NPHP1: variants seen among roughly 807,000 people sequenced by gnomAD.
NPHP1 encodes nephrocystin 1.
Under a neutral mutation model 90.4 loss-of-function variants are expected in NPHP1, and 70 were observed. That is an observed-to-expected ratio of 0.77 (90% CI 0.64 to 0.95). The LOEUF is 0.95. Ranked by LOEUF, NPHP1 falls within the 40% of genes least tolerant of loss-of-function variation. The pLI, the probability that NPHP1 is intolerant of heterozygous loss-of-function variation, is 0.00. For synonymous variants in NPHP1, 256 were observed against 271.7 expected (o/e 0.94, Z 0.57); for missense variants, 764 against 795.9 (o/e 0.96, Z 0.48).
chr2:110,126,026 T>C (rs1046554855), intron 18 of NPHP1: 4 of 323,416 alleles, frequency 1.2e-5, no homozygotes, highest in African/African-American at 6.4e-5. Context: ...AAGACAGTAA[T>C]GAAAATAGAA....
intron 9 of NPHP1, among the ~76,000 whole-genome samples, chr2:110,162,184 T>C (rs1682394131): frequency 6.6e-6 from 1 of 152,152 alleles, no homozygotes; most frequent in Non-Finnish European, 1.5e-5. Flanking sequence ...GTTCTAGAAA[T>C]ACAAAGATAA....
chr2:110,150,127 T>C lies in NPHP1; in HGVS notation c.1158+55A>G, dbSNP rs1192284626. On this transcript the variant is annotated intron_variant, in intron 12 of 19. Transcript: ENST00000445609. The stretch of plus-strand genomic sequence containing the variant: ...ATACTCTGTGCTATTTATAGAAATA[T>C]GAATATGTTCTACTTTGAAATTCAC... The C allele has an allele frequency of 1.2e-5, 15 of 1,240,750 alleles. No homozygotes were observed. The East Asian group carries it at 2.1e-4, about 17-fold the overall frequency. 76.9% of individuals were successfully genotyped at this position (1,240,750 alleles called of 1,614,324 possible). A position where few individuals can be genotyped will look rare whatever the true frequency, so the allele number is the denominator to read the frequency against.
At chr2:110,154,499 T>C (rs1433682908) in intron 11 of NPHP1, among the ~76,000 whole-genome samples, 2 of 151,992 alleles carry the variant, frequency 1.3e-5, no homozygotes, top group African/African-American at 4.8e-5. Flanking sequence ...GATAGGAAAA[T>C]GTGGGAAAGT....
intron 9 of NPHP1, among the ~76,000 whole-genome samples, chr2:110,162,387 C>T (rs993537599): frequency 6.6e-6 from 1 of 151,948 alleles, no homozygotes; most frequent in African/African-American, 2.4e-5. Flanking sequence ...CAGAATTTAC[C>T]GCGAGACCTG....
Position 110,170,727 on chromosome 2 carries a change from G to A in NPHP1, c.330-729C>T, listed in dbSNP as rs2104581738. Among the ~76,000 whole-genome samples the A allele has an allele frequency of 1.3e-5, 2 of 152,156 alleles. 1 individual carries two copies. Among genetic ancestry groups the A allele is most frequent in the Middle Eastern group, 6.8e-3 (2 of 294 alleles). ...TACTAAGAAATCAATCACACAAGAG[G>A]GACACCTAACCCAGGTTGCACGAAT... On this transcript the variant is annotated intron_variant, in intron 4 of 19. Coordinates refer to ENST00000445609, the MANE Select transcript of NPHP1 (RefSeq NM_001128178.3).
At chr2:110,133,475 T>G (rs1333567716) in intron 16 of NPHP1, among the ~76,000 whole-genome samples, 1 of 152,078 alleles carries the variant, frequency 6.6e-6, no homozygotes, top group Non-Finnish European at 1.5e-5. Context: ...ATATCCTACT[T>G]TCGATAAGGT....
chr2:110,130,335 G>A (rs1006772687), intron 17 of NPHP1, among the ~76,000 whole-genome samples: 6 of 152,222 alleles, frequency 3.9e-5, no homozygotes, highest in African/African-American at 1.4e-4. Context: ...TTATTCTAAT[G>A]ATTAAATTCA....
chr2:110,170,041 C>T, intron 4 of NPHP1, 43 bp from the exon 5 acceptor site: 2 of 1,610,740 alleles, frequency 1.2e-6, no homozygotes, highest in Non-Finnish European at 1.7e-6. Flanking sequence ...AAATAATATA[C>T]AAGAACAGAC....
intron 16 of NPHP1, among the ~76,000 whole-genome samples, chr2:110,138,995 G>C (rs1046030002): frequency 6.6e-6 from 1 of 151,994 alleles, no homozygotes; most frequent in Non-Finnish European, 1.5e-5. Context: ...GGCTGCTAAA[G>C]GTTAGCTGAA....
intron 2 of NPHP1, chr2:110,185,186 G>A (rs1684201433): frequency 3.6e-6 from 2 of 549,324 alleles, no homozygotes; most frequent in Non-Finnish European, 7.3e-6. Context: ...TTCTAATGTT[G>A]GGATATCATC....
chr2:110,154,055 T>C (rs1046904409), intron 11 of NPHP1, among the ~76,000 whole-genome samples: 1 of 152,060 alleles, frequency 6.6e-6, no homozygotes, highest in Admixed American at 6.5e-5. Context: ...AAATCTCATC[T>C]TGAATTGTAA....
intron 4 of NPHP1, 149 bp from the exon 5 acceptor site, chr2:110,170,147 C>T: frequency 8.9e-7 from 1 of 1,119,968 alleles, no homozygotes; most frequent in East Asian, 2.3e-5. Context: ...CAGTTTCTAC[C>T]ATCTAGCTAA....
At chr2:110,203,284 G>C (rs966280635) in intron 1 of NPHP1, among the ~76,000 whole-genome samples, 3 of 152,024 alleles carry the variant, frequency 2.0e-5, no homozygotes, top group Non-Finnish European at 4.4e-5. Flanking sequence ...GAGGAATGAA[G>C]ACTGAAAGAC....
chr2:110,184,089 G>A, intron 2 of NPHP1: 2 of 534,572 alleles, frequency 3.7e-6, no homozygotes, highest in Non-Finnish European at 7.5e-6. Context: ...CAACCAGCCT[G>A]TCATGATCGA....
rs902031883 is a variant in NPHP1, at chr2:110,161,536, T to C, written c.954+67A>G. 29 of 1,022,872 alleles carry C rather than the reference T, an allele frequency of 2.8e-5. No homozygotes were observed. The South Asian group carries it at 4.1e-4, about 14-fold the overall frequency. 63.4% of individuals were successfully genotyped at this position (1,022,872 alleles called of 1,614,324 possible). A position where few individuals can be genotyped will look rare whatever the true frequency, so the allele number is the denominator to read the frequency against. On this transcript the variant is annotated intron_variant, in intron 10 of 19. Transcript: ENST00000445609. ...AATTCATTAGTCAATTAACATGTTG[T>C]TTGTCTAATTGCAACTATGACAAAA... is the stretch of plus-strand genomic sequence containing the variant.
At position 110,204,986 on chromosome 2, in the gene NPHP1, T is replaced by C; in HGVS notation, c.-18A>G. Reference sequence around the variant, plus strand: ...GCCAGCATCTCCCTGGCTGCGGTGCTCTGATTGCTCCAGTTGCCAGGGAAA... The same window carrying C: ...GCCAGCATCTCCCTGGCTGCGGTGCCCTGATTGCTCCAGTTGCCAGGGAAA... On this transcript the variant is annotated 5_prime_UTR_variant, in exon 1 of 20. Coordinates refer to ENST00000445609, the MANE Select transcript of NPHP1 (RefSeq NM_001128178.3). 1.9e-6 allele frequency: 3 copies of C among 1,613,574 alleles called. No homozygotes were observed. The highest frequency in any genetic ancestry group is 2.5e-6 in the Non-Finnish European group (3 of 1,179,672).
intron 12 of NPHP1, 150 bp from the exon 13 acceptor site, chr2:110,148,176 G>A: frequency 1.4e-6 from 1 of 692,318 alleles, no homozygotes; most frequent in Non-Finnish European, 2.7e-6. Context: ...TTTGGGTCAT[G>A]AGGGCAGATC....
chr2:110,135,901 C>A lies in NPHP1; in HGVS notation c.1530-4110G>T, dbSNP rs1680153868. ...GAAGAGAACAGGATGAATGTGACCACTGTGATGAGGTGACAGCAATGGATT... is the reference window on the plus strand; with the variant it reads ...GAAGAGAACAGGATGAATGTGACCAATGTGATGAGGTGACAGCAATGGATT... On this transcript the variant is annotated intron_variant, in intron 16 of 19. Coordinates refer to ENST00000445609, the MANE Select transcript of NPHP1 (RefSeq NM_001128178.3). Among the ~76,000 whole-genome samples the A allele has an allele frequency of 2.0e-5, 3 of 152,266 alleles. No homozygotes were observed. The East Asian group carries it at 5.8e-4, about 29-fold the overall frequency.
Position 110,125,354 on chromosome 2 carries a change from T to G in NPHP1, c.1761+283A>C, listed in dbSNP as rs992864592. ...GAAGTTTTTTAAAAATAAAAGAAAT[T>G]TGATACACAACTGAGAGACTTTGGC... is the stretch of plus-strand genomic sequence containing the variant. On this transcript the variant is annotated intron_variant, in intron 19 of 19. Coordinates refer to ENST00000445609, the MANE Select transcript of NPHP1 (RefSeq NM_001128178.3). 11 of 1,510,898 alleles carry G rather than the reference T, an allele frequency of 7.3e-6. No individual in the cohort carries two copies. In the African/African-American group the frequency reaches 1.5e-4, roughly 21 times the overall value. The allele number at this position is 1,510,898 out of a possible 1,614,324, so 93.6% of individuals were successfully genotyped here.
Sources: gnomAD v4.1 joint callset for allele counts (sites outside exome capture counted in the v4.1 genomes callset) on GRCh38, gnomAD v4.1.1 for gene constraint, MANE v1.5 for transcripts, NCBI Gene and HGNC (gene_info 2026-07-23, HGNC 2026-07-21) for gene names.